NEGR1: variants seen among roughly 807,000 people sequenced by gnomAD.
The protein encoded by NEGR1 is IgLON family member 4.
In NEGR1, 10 loss-of-function variants were observed where a neutral mutation model predicts 40.9. That is an observed-to-expected ratio of 0.24 (90% CI 0.15 to 0.42). The LOEUF is 0.42. NEGR1 is among the 10% of genes least tolerant of loss of function. The pLI is 1.00. For missense variants in NEGR1, 352 were observed against 438.9 expected (o/e 0.80, Z 1.77); for synonymous variants, 185 against 166.8 (o/e 1.11, Z -0.84).
At chr1:71,459,697 T>A (rs781338812) in intron 6 of NEGR1, among the ~76,000 whole-genome samples, 5 of 152,216 alleles carry the variant, frequency 3.3e-5, no homozygotes, top group Non-Finnish European at 5.9e-5. Context: ...CGTAACTGTG[T>A]CCTGTCAGAA....
intron 6 of NEGR1, among the ~76,000 whole-genome samples, chr1:71,485,759 G>T (rs1474843232): frequency 2.0e-5 from 3 of 151,414 alleles, no homozygotes; most frequent in Admixed American, 2.0e-4. Flanking sequence ...TCTTTCCATG[G>T]CTTTATAGCA....
At chr1:71,784,258 T>C (rs796311058) in intron 2 of NEGR1, among the ~76,000 whole-genome samples, 22 of 152,256 alleles carry the variant, frequency 1.4e-4, no homozygotes, top group African/African-American at 3.9e-4. Context: ...CTACAGATTT[T>C]GGAAACACTG....
chr1:71,490,700 G>C (rs1202111217), intron 6 of NEGR1, among the ~76,000 whole-genome samples: 1 of 151,962 alleles, frequency 6.6e-6, no homozygotes, highest in East Asian at 1.9e-4. Flanking sequence ...TGTCTTCACT[G>C]ATGAAACGAA....
Position 72,172,476 on chromosome 1 carries a change from G to A in NEGR1, c.176+109843C>T, listed in dbSNP as rs1651998270. On this transcript the variant is annotated intron_variant, in intron 1 of 6. Transcript: ENST00000357731. ...TGATTGTCTTCTCCATAAATAAAGGGCCCATCATTAAATGCAAGCAGCTCT... is the reference window on the plus strand; with the variant it reads ...TGATTGTCTTCTCCATAAATAAAGGACCCATCATTAAATGCAAGCAGCTCT... Among the ~76,000 whole-genome samples, 2 of 151,842 alleles carry A rather than the reference G, an allele frequency of 1.3e-5. 1 individual carries two copies. The highest frequency in any genetic ancestry group is 4.2e-4 in the South Asian group (2 of 4,798).
chr1:72,027,512 G>A lies in NEGR1; in HGVS notation c.177-92201C>T, dbSNP rs866458872. ...AAACCTGCAAATAAGAGTGTTTCTG[G>A]TTGATAGGATAAATGAGAACCAGGT... On this transcript the variant is annotated intron_variant, in intron 1 of 6. Coordinates refer to ENST00000357731, the MANE Select transcript of NEGR1 (RefSeq NM_173808.3). Among the ~76,000 whole-genome samples the A allele has an allele frequency of 1.1e-4, 17 of 151,750 alleles. No homozygotes were observed. The South Asian group carries it at 1.2e-3, about 11-fold the overall frequency.
intron 5 of NEGR1, among the ~76,000 whole-genome samples, chr1:71,596,510 A>G (rs2101526042): frequency 6.6e-6 from 1 of 152,356 alleles, no homozygotes; most frequent in East Asian, 1.9e-4. Context: ...CACAAAATGG[A>G]CAGAAACTTT....
rs538949444 is a variant in NEGR1, at chr1:71,602,837, T to C, written c.788+8189A>G. Among the ~76,000 whole-genome samples the C allele has an allele frequency of 6.6e-5, 10 of 152,324 alleles. No homozygotes were observed. The East Asian group carries it at 1.7e-3, about 26-fold the overall frequency. On this transcript the variant is annotated intron_variant, in intron 5 of 6. Transcript: ENST00000357731. ...TCTTTGTTTGACCCAATGTTTTCAATGTAATAATATGTATTTGTGTCTCAC... is the reference window on the plus strand; with the variant it reads ...TCTTTGTTTGACCCAATGTTTTCAACGTAATAATATGTATTTGTGTCTCAC...
intron 3 of NEGR1, among the ~76,000 whole-genome samples, chr1:71,720,918 A>G (rs1654489010): frequency 6.6e-6 from 1 of 152,156 alleles, no homozygotes; most frequent in Admixed American, 6.6e-5. Context: ...TACTTGGAAC[A>G]ATGAGGCCAA....
chr1:72,140,251 G>GTTA (rs1371452302), intron 1 of NEGR1, among the ~76,000 whole-genome samples: 2 of 151,750 alleles, frequency 1.3e-5, no homozygotes, highest in East Asian at 3.9e-4. Context: ...TGTTGTTGTT[G>GTTA]TTACAGTTGT....
At chr1:72,270,645 ACT>A (rs1655812392) in intron 1 of NEGR1, among the ~76,000 whole-genome samples, 1 of 151,776 alleles carries the variant, frequency 6.6e-6, no homozygotes, top group Non-Finnish European at 1.5e-5. Context: ...TGACTCTTTC[ACT>A]GTCATTACAT....
rs147989252 is a variant in NEGR1, at chr1:71,509,576, T to C, written c.940+83241A>G. Among the ~76,000 whole-genome samples the C allele has an allele frequency of 4.2e-3, 646 of 152,306 alleles. 7 individuals are homozygous for C. The highest frequency in any genetic ancestry group is 0.015 in the African/African-American group (623 of 41,566). On this transcript the variant is annotated intron_variant, in intron 6 of 6. Transcript: ENST00000357731. ...GACCAGGACTTATGCTTCAGTCCAA[T>C]TGGCCATTCCCTTCACTCTGGCATT...
rs555346466 is a variant in NEGR1, at chr1:71,628,123, A to C, written c.668-16977T>G. The stretch of plus-strand genomic sequence containing the variant: ...TTCTATTTTTATATGTCATCTACTC[A>C]CTCTACTTTTATTCTGAATTATTGT... On this transcript the variant is annotated intron_variant, in intron 4 of 6. Coordinates refer to ENST00000357731, the MANE Select transcript of NEGR1 (RefSeq NM_173808.3). Among the ~76,000 whole-genome samples, 23 of 152,024 alleles carry C rather than the reference A, an allele frequency of 1.5e-4. No individual in the cohort carries two copies. In the South Asian group the frequency reaches 4.8e-3, roughly 31 times the overall value.
At chr1:71,607,308 T>A (rs1650102419) in intron 5 of NEGR1, among the ~76,000 whole-genome samples, 1 of 152,336 alleles carries the variant, frequency 6.6e-6, no homozygotes, top group South Asian at 2.1e-4. Flanking sequence ...GTACATGCAG[T>A]TTCTTATTTT....
chr1:71,863,779 T>C (rs1660023560), intron 2 of NEGR1, among the ~76,000 whole-genome samples: 4 of 152,126 alleles, frequency 2.6e-5, no homozygotes, highest in Admixed American at 2.6e-4. Flanking sequence ...CCTTAGGGAA[T>C]ATAATTTTGA....
intron 1 of NEGR1, among the ~76,000 whole-genome samples, chr1:72,015,309 A>C (rs1646699390): frequency 6.6e-6 from 1 of 152,076 alleles, no homozygotes; most frequent in African/African-American, 2.4e-5. Context: ...AAAAAGTTTA[A>C]AGTATTAGCG....
At chr1:71,473,592 G>A (rs1283545643) in intron 6 of NEGR1, among the ~76,000 whole-genome samples, 2 of 152,054 alleles carry the variant, frequency 1.3e-5, no homozygotes, top group Non-Finnish European at 2.9e-5. Flanking sequence ...CCTCTATGCA[G>A]TATAAAAATA....
At chr1:72,188,422 T>C (rs896341124) in intron 1 of NEGR1, among the ~76,000 whole-genome samples, 2 of 151,510 alleles carry the variant, frequency 1.3e-5, no homozygotes, top group African/African-American at 4.8e-5. Flanking sequence ...GAAATGGCAC[T>C]GTTTAATTCT....
chr1:71,526,062 CT>C (rs1301616683), intron 6 of NEGR1, among the ~76,000 whole-genome samples: 2 of 151,490 alleles, frequency 1.3e-5, no homozygotes, highest in Non-Finnish European at 3.0e-5. Context: ...AAAGCACCTA[CT>C]TTTTTATCTT....
chr1:71,508,326 C>T (rs952258517), intron 6 of NEGR1, among the ~76,000 whole-genome samples: 3 of 152,102 alleles, frequency 2.0e-5, no homozygotes, highest in African/African-American at 7.2e-5. Flanking sequence ...AAAGAGACCC[C>T]AGGAGGGAGG....
Sources: gnomAD v4.1 joint callset for allele counts (sites outside exome capture counted in the v4.1 genomes callset) on GRCh38, gnomAD v4.1.1 for gene constraint, MANE v1.5 for transcripts, NCBI Gene and HGNC (gene_info 2026-07-23, HGNC 2026-07-21) for gene names.